Variants in PLA2R1 observed in about 807,000 individuals in gnomAD.
PLA2R1 encodes secretory phospholipase A2 receptor.
A neutral mutation model predicts 195.9 loss-of-function variants in PLA2R1; 158 were observed. The observed-to-expected ratio is 0.81, with a 90% CI of 0.71 to 0.92. PLA2R1 has a LOEUF of 0.92. Among genes scored for constraint, PLA2R1 ranks in the 40% least tolerant of loss-of-function variants. The probability of loss-of-function intolerance (pLI) is 0.00; values close to 1 mark genes in which losing one functional copy is unlikely to be tolerated. For missense variants in PLA2R1, 1,626 were observed against 1,764.6 expected (o/e 0.92, Z 1.41); for synonymous variants, 586 against 598.2 (o/e 0.98, Z 0.30).
chr2:160,061,420 C>A (rs1695941961), intron 1 of PLA2R1, among the ~76,000 whole-genome samples: 1 of 152,178 alleles, frequency 6.6e-6, no homozygotes, highest in Admixed American at 6.5e-5. Flanking sequence ...GAGACTAAGG[C>A]ATAAAGGCTT....
intron 13 of PLA2R1, among the ~76,000 whole-genome samples, chr2:159,982,941 T>C (rs887540710): frequency 6.6e-6 from 1 of 152,178 alleles, no homozygotes; most frequent in African/African-American, 2.4e-5. Flanking sequence ...GTCATGTCTA[T>C]TGAATTATCC....
At chr2:160,006,698 A>C (rs1355418) in intron 10 of PLA2R1, among the ~76,000 whole-genome samples, 1 of 152,276 alleles carries the variant, frequency 6.6e-6, no homozygotes, top group South Asian at 2.1e-4. Flanking sequence ...GAAGAAGCAC[A>C]TTTGAAACAG....
intron 23 of PLA2R1, among the ~76,000 whole-genome samples, chr2:159,952,454 C>T (rs1284577290): frequency 6.6e-6 from 1 of 152,050 alleles, no homozygotes; most frequent in Non-Finnish European, 1.5e-5. Context: ...GTTTAGAAAA[C>T]CTAAAGGACA....
At chr2:160,021,271 C>T (rs1369747313) in intron 7 of PLA2R1, among the ~76,000 whole-genome samples, 1 of 152,078 alleles carries the variant, frequency 6.6e-6, no homozygotes, top group African/African-American at 2.4e-5. Context: ...AATCCCACTA[C>T]TGGGTATATA....
intron 24 of PLA2R1, among the ~76,000 whole-genome samples, 173 bp downstream of exon 24, chr2:159,951,167 T>C (rs992946900): frequency 9.2e-5 from 14 of 152,246 alleles, no homozygotes; most frequent in Non-Finnish European, 1.6e-4. Flanking sequence ...TTTGTAGTCA[T>C]AGGCTGTTCA....
chr2:159,994,985 C>CG (rs1691111053), intron 11 of PLA2R1, among the ~76,000 whole-genome samples: 1 of 151,870 alleles, frequency 6.6e-6, no homozygotes, highest in Non-Finnish European at 1.5e-5. Flanking sequence ...GACATGAAGA[C>CG]AGAGTCCTGG....
chr2:159,945,320 G>C (rs936601315), intron 27 of PLA2R1, among the ~76,000 whole-genome samples: 1 of 151,960 alleles, frequency 6.6e-6, no homozygotes, highest in Non-Finnish European at 1.5e-5. Flanking sequence ...CCAGCATTAG[G>C]TATATCTCCC....
rs764863209 is a variant in PLA2R1, at chr2:160,022,879, A to G, written c.1100-20T>C. The G allele has an allele frequency of 2.6e-6, 4 of 1,514,142 alleles. No homozygotes were observed. In the Admixed American group the frequency reaches 5.9e-5, roughly 22 times the overall value. The allele number at this position is 1,514,142 out of a possible 1,614,324, so 93.8% of individuals were successfully genotyped here. On this transcript the variant is annotated intron_variant, in intron 6 of 29. Transcript: ENST00000283243. ...CTTTTTCTTTTTAAACCAACAAAAA[A>G]CAATGTCATTTTCCACAATTATTTT...
At chr2:159,984,096 T>C in intron 12 of PLA2R1, 23 bp from the exon 13 acceptor site, 2 of 1,174,240 alleles carry the variant, frequency 1.7e-6, no homozygotes, top group Non-Finnish European at 2.5e-6. Context: ...AGAAAATAAA[T>C]TAACATTGTT....
intron 11 of PLA2R1, among the ~76,000 whole-genome samples, chr2:160,001,508 G>C (rs1049801283): frequency 6.6e-6 from 1 of 151,858 alleles, no homozygotes; most frequent in African/African-American, 2.4e-5. Context: ...ATACAGTTAA[G>C]GACAAAGAAT....
Position 159,980,113 on chromosome 2 carries a change from G to A in PLA2R1, c.2184-199C>T, listed in dbSNP as rs146328612. ...ATATTTATGTATGCAGGAAACAGCT[G>A]ATGCTACTGGCAGGATTGATCAAGT... On this transcript the variant is annotated intron_variant, in intron 13 of 29. Transcript: ENST00000283243. Among the ~76,000 whole-genome samples, 1,501 of 152,312 alleles carry A rather than the reference G, an allele frequency of 9.9e-3. 13 individuals carry two copies. Among genetic ancestry groups the A allele is most frequent in the Non-Finnish European group, 0.017 (1,126 of 68,022 alleles).
At chr2:159,971,755 A>G (rs1458009981) in intron 17 of PLA2R1, among the ~76,000 whole-genome samples, 1 of 152,184 alleles carries the variant, frequency 6.6e-6, no homozygotes, top group Non-Finnish European at 1.5e-5. Context: ...ATTTTAAGAT[A>G]CATTATTTTT....
rs1366193467 is a variant in PLA2R1 at position 159,939,227 on chromosome 2, G to A, written c.*2551C>T. 6.6e-6 allele frequency: 1 copy of A among 151,970 alleles called. No homozygotes were observed. Among genetic ancestry groups the A allele is most frequent in the Non-Finnish European group, 1.5e-5 (1 of 68,020 alleles). The allele number at this position is 151,970 out of a possible 1,614,324, so 9.4% of individuals were successfully genotyped here. On this transcript the variant is annotated 3_prime_UTR_variant, in exon 30 of 30. Transcript: ENST00000283243. ...AGTTCACATTAAAAATACAGATGAGGCCAGGTGCGGTGGCTCATGCCTGTA... is the reference window on the plus strand; with the variant it reads ...AGTTCACATTAAAAATACAGATGAGACCAGGTGCGGTGGCTCATGCCTGTA...
chr2:159,995,301 G>A (rs868360804), intron 11 of PLA2R1, among the ~76,000 whole-genome samples: 4 of 152,002 alleles, frequency 2.6e-5, no homozygotes, highest in Non-Finnish European at 5.9e-5. Flanking sequence ...TTGCTTTAGG[G>A]AAAAGAGAAA....
At chr2:160,036,555 G>A (rs974469892) in intron 3 of PLA2R1, among the ~76,000 whole-genome samples, 1 of 152,160 alleles carries the variant, frequency 6.6e-6, no homozygotes, top group Admixed American at 6.5e-5. Context: ...CAAGCCCATC[G>A]TGCTCTGTGT....
In PLA2R1 at chr2:160,045,006, A is replaced by G. The variant is rs4665143; in HGVS notation, c.261T>C (p.Ser87=). 978,465 of 1,613,432 alleles carry G rather than the reference A, an allele frequency of 0.61. 306,323 individuals are homozygous for G. Among genetic ancestry groups the G allele is most frequent in the Admixed American group, 0.69 (41,159 of 60,002 alleles). ...CGGAGAAATTCAGGCCCAGGCAACCACTGCCTCCTATGTTAAAGAGGCCAT... is the reference window on the plus strand; with the variant it reads ...CGGAGAAATTCAGGCCCAGGCAACCGCTGCCTCCTATGTTAAAGAGGCCAT... ...SNHGLFNIGG[S]GCLGLNFSAP... Residue 87 remains serine, a synonymous_variant, in exon 2 of 30, where the codon AGT becomes AGC. Transcript: ENST00000283243.
intron 11 of PLA2R1, among the ~76,000 whole-genome samples, chr2:159,994,923 A>C (rs1252909728): frequency 6.6e-6 from 1 of 152,082 alleles, no homozygotes; most frequent in African/African-American, 2.4e-5. Context: ...CAATTGTAGC[A>C]AATGTACGAC....
chr2:159,982,913 A>G (rs143111007), intron 13 of PLA2R1, among the ~76,000 whole-genome samples: 1 of 152,306 alleles, frequency 6.6e-6, no homozygotes, highest in African/African-American at 2.4e-5. Flanking sequence ...CAACATCCTC[A>G]GAGGCAGGAT....
At chr2:159,929,310 A>T (rs1457222567), downstream of PLA2R1, among the ~76,000 whole-genome samples, 1 of 152,158 alleles carries the variant, frequency 6.6e-6, no homozygotes, top group Non-Finnish European at 1.5e-5. Flanking sequence ...TAGCAAGGAA[A>T]AAACAATCCC....
Sources: gnomAD v4.1 joint callset for allele counts (sites outside exome capture counted in the v4.1 genomes callset) on GRCh38, gnomAD v4.1.1 for gene constraint, MANE v1.5 for transcripts, NCBI Gene and HGNC (gene_info 2026-07-23, HGNC 2026-07-21) for gene names.